The following KHDRBS2 variants were observed in gnomAD, a reference collection of about 807,000 sequenced individuals.
KHDRBS2 encodes the protein KH domain-containing, RNA-binding, signal transduction-associated protein 2.
In KHDRBS2, 26 loss-of-function variants were observed where a neutral mutation model predicts 44.3. The ratio of observed to expected loss-of-function variants is 0.59; its 90% CI spans 0.43 to 0.81. The LOEUF (loss-of-function observed/expected upper bound fraction) is 0.81, where lower values mean the gene tolerates loss of function less well. KHDRBS2 is among the 40% of genes least tolerant of loss of function. KHDRBS2 has a pLI of 0.00. For synonymous variants in KHDRBS2, 194 were observed against 151.1 expected, an observed-to-expected ratio of 1.28 and a Z score of -2.08; for missense variants, 476 against 433.1, an observed-to-expected ratio of 1.10 and a Z score of -0.88.
chr6:61,914,662 A>G (rs1806669799), intron 4 of KHDRBS2, among the ~76,000 whole-genome samples: 1 of 152,116 alleles, frequency 6.6e-6, no homozygotes, highest in Admixed American at 6.6e-5. Flanking sequence ...GTATAATAAT[A>G]ATACTTTTTA....
chr6:61,843,610 C>T lies in KHDRBS2; in HGVS notation c.810+51025G>A, dbSNP rs528743662. On this transcript the variant is annotated intron_variant, in intron 6 of 8. Coordinates refer to ENST00000281156, the MANE Select transcript of KHDRBS2 (RefSeq NM_152688.4). Reference sequence around the variant, plus strand: ...AAACCCCTGACCTCAAGTGATCCACCCACCTCAGCCTCCCAAAGTGCTGGG... The same window carrying T: ...AAACCCCTGACCTCAAGTGATCCACTCACCTCAGCCTCCCAAAGTGCTGGG... Among the ~76,000 whole-genome samples the T allele has an allele frequency of 9.2e-5, 14 of 152,008 alleles. No individual in the cohort carries two copies. In the South Asian group the frequency reaches 2.9e-3, roughly 32 times the overall value.
intron 2 of KHDRBS2, among the ~76,000 whole-genome samples, chr6:62,146,004 T>A (rs897531056): frequency 4.6e-5 from 7 of 151,876 alleles, no homozygotes; most frequent in Admixed American, 2.0e-4. Context: ...TTCCTTTCAG[T>A]TTCCCTACTC....
rs142404950 is a variant in KHDRBS2 at position 62,128,112 on chromosome 6, C to T, written c.219+49073G>A. ...CTAAATATTTACAAATCTTTCTCAT[C>T]GTATTAGTGTATCACAAGGCAGAGA... On this transcript the variant is annotated intron_variant, in intron 2 of 8. Transcript: ENST00000281156. Among the ~76,000 whole-genome samples, 789 of 152,134 alleles carry T rather than the reference C, an allele frequency of 5.2e-3. 8 individuals carry two copies. Among genetic ancestry groups the T allele is most frequent in the African/African-American group, 0.018 (751 of 41,514 alleles).
chr6:62,022,432 T>C (rs559547483), intron 3 of KHDRBS2, among the ~76,000 whole-genome samples: 53 of 151,846 alleles, frequency 3.5e-4, no homozygotes, highest in African/African-American at 1.2e-3. Flanking sequence ...GAGTGTGTTT[T>C]CTGTGTTTCA....
chr6:62,285,795 A>T, intron 1 of KHDRBS2, 63 bp downstream of exon 1: 1 of 1,189,424 alleles, frequency 8.4e-7, no homozygotes, highest in Non-Finnish European at 1.2e-6. Context: ...TCACTCCCCT[A>T]ATCAAGCCGC....
At chr6:61,932,350 G>A (rs140179239) in intron 4 of KHDRBS2, among the ~76,000 whole-genome samples, 10 of 152,014 alleles carry the variant, frequency 6.6e-5, no homozygotes, top group African/African-American at 1.2e-4. Flanking sequence ...GTCACCTGGC[G>A]GTACAACACA....
chr6:62,177,350 G>A, intron 1 of KHDRBS2, 38 bp from the exon 2 acceptor site: 1 of 1,508,766 alleles, frequency 6.6e-7, no homozygotes, highest in East Asian at 2.3e-5. Flanking sequence ...AGTGAAATGA[G>A]GAACAATGTT....
intron 6 of KHDRBS2, among the ~76,000 whole-genome samples, chr6:61,751,638 C>T (rs1202552542): frequency 6.6e-6 from 1 of 152,108 alleles, no homozygotes; most frequent in Non-Finnish European, 1.5e-5. Context: ...TAGGAAGGAG[C>T]TGCTATTTTA....
chr6:62,200,334 C>A (rs570965882), intron 1 of KHDRBS2, among the ~76,000 whole-genome samples: 2 of 152,252 alleles, frequency 1.3e-5, no homozygotes, highest in East Asian at 1.9e-4. Flanking sequence ...GCAATCTACT[C>A]ATCTGACAAA....
intron 2 of KHDRBS2, among the ~76,000 whole-genome samples, chr6:62,060,559 T>C (rs1469844671): frequency 6.6e-6 from 1 of 151,658 alleles, no homozygotes; most frequent in African/African-American, 2.4e-5. Context: ...AATCTCATAA[T>C]TTGTATAACA....
chr6:61,665,886 G>A, the KHDRBS2 span, among the ~76,000 whole-genome samples: 4 of 150,848 alleles, frequency 2.7e-5, no homozygotes, highest in African/African-American at 9.7e-5. Context: ...CTGTTCTCAA[G>A]TTATAGTTTC....
chr6:62,177,334 A>T, intron 1 of KHDRBS2, 22 bp from the exon 2 acceptor site: 1 of 1,561,244 alleles, frequency 6.4e-7, no homozygotes, highest in Non-Finnish European at 8.7e-7. Context: ...TCACAAGAAG[A>T]AAACAAGTGA....
At chr6:61,706,482 T>C (rs1769577165) in intron 7 of KHDRBS2, among the ~76,000 whole-genome samples, 2 of 151,740 alleles carry the variant, frequency 1.3e-5, no homozygotes, top group South Asian at 4.1e-4. Flanking sequence ...GAGATTTAGA[T>C]AAGAAGACTG....
intron 4 of KHDRBS2, among the ~76,000 whole-genome samples, chr6:61,975,520 T>G (rs1181915583): frequency 6.6e-6 from 1 of 152,130 alleles, no homozygotes; most frequent in Non-Finnish European, 1.5e-5. Flanking sequence ...TTTCTGCTGA[T>G]GCAAGCAAGG....
intron 2 of KHDRBS2, among the ~76,000 whole-genome samples, chr6:62,160,149 TAACA>T (rs1235608994): frequency 1.3e-5 from 2 of 151,966 alleles, no homozygotes; most frequent in Non-Finnish European, 2.9e-5. Context: ...GACCATAATA[TAACA>T]AACAAACAAG....
At chr6:61,572,842 A>G in the KHDRBS2 span, among the ~76,000 whole-genome samples, 2 of 152,208 alleles carry the variant, frequency 1.3e-5, no homozygotes, top group Admixed American at 6.5e-5. Flanking sequence ...GCCATCTATG[A>G]AAAACCCACA....
chr6:61,819,041 T>C lies in KHDRBS2; in HGVS notation c.810+75594A>G, dbSNP rs533316585. ...TAATTGAATTAACTACTTCCTCTAA[T>C]TTCTCTTTTTTTCTCTTAATTTTTT... On this transcript the variant is annotated intron_variant, in intron 6 of 8. Transcript: ENST00000281156. 2.6e-5 allele frequency among the ~76,000 whole-genome samples: 4 copies of C among 152,138 alleles called. No individual in the cohort carries two copies. In the East Asian group the frequency reaches 7.7e-4, roughly 29 times the overall value.
At chr6:61,621,334 T>C in the KHDRBS2 span, among the ~76,000 whole-genome samples, 1 of 152,202 alleles carries the variant, frequency 6.6e-6, no homozygotes, top group Non-Finnish European at 1.5e-5. Context: ...ATTACTAACT[T>C]GTATTGACTC....
the KHDRBS2 span, among the ~76,000 whole-genome samples, chr6:61,556,336 A>T: frequency 2.0e-5 from 3 of 152,218 alleles, no homozygotes; most frequent in Non-Finnish European, 4.4e-5. Flanking sequence ...CATGCTAGAA[A>T]AATCACATTT....
Sources: gnomAD v4.1 joint callset for allele counts (sites outside exome capture counted in the v4.1 genomes callset) on GRCh38, gnomAD v4.1.1 for gene constraint, MANE v1.5 for transcripts, NCBI Gene and HGNC (gene_info 2026-07-23, HGNC 2026-07-21) for gene names.